RBM11: variants seen among roughly 807,000 people sequenced by gnomAD.
RBM11 encodes splicing regulator RBM11.
A neutral mutation model predicts 21.4 loss-of-function variants in RBM11; 18 were observed. The observed-to-expected ratio is 0.84, with a 90% confidence interval of 0.58 to 1.25. RBM11 has a LOEUF of 1.25. Ranked by LOEUF, RBM11 falls within the 50% of genes most tolerant of loss-of-function variation. RBM11 has a pLI of 0.00. For missense variants in RBM11, 294 were observed against 331.9 expected (o/e 0.89, Z 0.89); for synonymous variants, 120 against 116.3 (o/e 1.03, Z -0.20).
chr21:14,222,562 AC>A (rs905502501), intron 3 of RBM11, among the ~76,000 whole-genome samples: 17 of 152,216 alleles, frequency 1.1e-4, no homozygotes, highest in Admixed American at 1.0e-3. Flanking sequence ...CCCAGATAAA[AC>A]AGTGTGCTCC....
intron 4 of RBM11, among the ~76,000 whole-genome samples, chr21:14,226,084 T>A (rs534635151): frequency 6.6e-6 from 1 of 152,234 alleles, no homozygotes; most frequent in East Asian, 1.9e-4. Context: ...TTTGATGTAA[T>A]CTAAATTCAG....
Position 14,219,393 on chromosome 21 carries a change from A to G in RBM11, c.97-170A>G, listed in dbSNP as rs373871192. Among the ~76,000 whole-genome samples, 12 of 152,334 alleles carry G rather than the reference A, an allele frequency of 7.9e-5. No homozygotes were observed. In the South Asian group the frequency reaches 2.3e-3, roughly 29 times the overall value. ...ATGTTTCCCCAATGAGCCAGAAAATACAAAGAAAGTGTGAGGAAGTGTAAT... is the reference window on the plus strand; with the variant it reads ...ATGTTTCCCCAATGAGCCAGAAAATGCAAAGAAAGTGTGAGGAAGTGTAAT... On this transcript the variant is annotated intron_variant, in intron 1 of 4. Coordinates refer to ENST00000400577, the MANE Select transcript of RBM11 (RefSeq NM_144770.5).
chr21:14,220,287 A>G (rs1252792351), intron 2 of RBM11, among the ~76,000 whole-genome samples: 1 of 152,178 alleles, frequency 6.6e-6, no homozygotes, highest in Non-Finnish European at 1.5e-5. Context: ...TCCTGCACGC[A>G]TATCAGGAAC....
chr21:14,223,212 A>G (rs1055424567), intron 3 of RBM11, among the ~76,000 whole-genome samples: 6 of 152,202 alleles, frequency 3.9e-5, no homozygotes, highest in Non-Finnish European at 7.3e-5. Flanking sequence ...TTATTCTTCT[A>G]GTATTTCTGA....
intron 3 of RBM11, among the ~76,000 whole-genome samples, chr21:14,223,210 C>A (rs1978819108): frequency 6.6e-6 from 1 of 152,228 alleles, no homozygotes; most frequent in South Asian, 2.1e-4. Context: ...CTTTATTCTT[C>A]TAGTATTTCT....
intron 1 of RBM11, among the ~76,000 whole-genome samples, chr21:14,219,335 A>G (rs541242988): frequency 6.6e-6 from 1 of 152,306 alleles, no homozygotes; most frequent in East Asian, 1.9e-4. Flanking sequence ...GTTTGAAACT[A>G]ATACCTAGAA....
At chr21:14,219,276 A>T (rs1423356424) in intron 1 of RBM11, among the ~76,000 whole-genome samples, 7 of 152,150 alleles carry the variant, frequency 4.6e-5, no homozygotes, top group Non-Finnish European at 1.0e-4. Flanking sequence ...ATGTTTTCTA[A>T]ATTGGTTTGT....
At chr21:14,216,337 T>A (rs1423158997) in intron 1 of RBM11, 55 bp downstream of exon 1, 2 of 1,514,732 alleles carry the variant, frequency 1.3e-6, no homozygotes, top group Non-Finnish European at 1.8e-6. Context: ...GCCGGAAACA[T>A]AGCGCGCACC....
Position 14,219,559 on chromosome 21 carries a change from A to G in RBM11, c.97-4A>G, listed in dbSNP as rs929381381. 2.0e-6 allele frequency: 3 copies of G among 1,466,082 alleles called. No homozygotes were observed. The highest frequency in any genetic ancestry group is 2.7e-6 in the Non-Finnish European group (3 of 1,095,436). 90.8% of individuals were successfully genotyped at this position (1,466,082 alleles called of 1,614,324 possible). On this transcript the variant is annotated splice_polypyrimidine_tract_variant and splice_region_variant and intron_variant, in intron 1 of 4. Coordinates refer to ENST00000400577, the MANE Select transcript of RBM11 (RefSeq NM_144770.5). ...TGAGAAAATAATTTTTAAGTTTCTT[A>G]TAGGCGGGGCCACTAACCAAAGTGA...
intron 3 of RBM11, among the ~76,000 whole-genome samples, chr21:14,224,027 A>C (rs1394691532): frequency 2.0e-5 from 3 of 152,152 alleles, no homozygotes; most frequent in Admixed American, 2.0e-4. Context: ...TAACAAACAG[A>C]GTACCTGTTT....
chr21:14,225,194 C>G (rs1978990150), intron 4 of RBM11, among the ~76,000 whole-genome samples: 1 of 152,096 alleles, frequency 6.6e-6, no homozygotes, highest in South Asian at 2.1e-4. Context: ...TCATCAATCC[C>G]AAATAGATTG....
At chr21:14,223,211 T>C (rs952787140) in intron 3 of RBM11, among the ~76,000 whole-genome samples, 1 of 152,250 alleles carries the variant, frequency 6.6e-6, no homozygotes, top group Non-Finnish European at 1.5e-5. Flanking sequence ...TTTATTCTTC[T>C]AGTATTTCTG....
chr21:14,219,465 T>C, intron 1 of RBM11, 98 bp from the exon 2 acceptor site: 1 of 853,362 alleles, frequency 1.2e-6, no homozygotes, highest in Admixed American at 3.2e-5. Context: ...CATAAAGATA[T>C]TGCTAACACA....
intron 2 of RBM11, 91 bp downstream of exon 2, chr21:14,219,816 A>G: frequency 8.7e-7 from 1 of 1,144,952 alleles, no homozygotes; most frequent in Non-Finnish European, 1.2e-6. Flanking sequence ...GTAGTATAAG[A>G]CCAAAACAAA....
At chr21:14,222,588 C>T (rs1978765981) in intron 3 of RBM11, among the ~76,000 whole-genome samples, 1 of 152,112 alleles carries the variant, frequency 6.6e-6, no homozygotes, top group Non-Finnish European at 1.5e-5. Context: ...CTTCATTCAC[C>T]CAACATTTCT....
At position 14,216,302 on chromosome 21, in the gene RBM11, G is replaced by A. The variant is rs779069037; in HGVS notation, c.96+20G>A. 6.2e-7 allele frequency: 1 copy of A among 1,606,164 alleles called. No homozygotes were observed. The highest frequency in any genetic ancestry group is 8.5e-7 in the Non-Finnish European group (1 of 1,174,550). On this transcript the variant is annotated intron_variant, in intron 1 of 4. Transcript: ENST00000400577. ...CTTCAGGTACCGTCTCTGGGAAGGG[G>A]CGGCGGAGGGGCGGAGCACGTCGGG...
chr21:14,224,368 T>C, intron 3 of RBM11, 70 bp from the exon 4 acceptor site: 1 of 1,498,280 alleles, frequency 6.7e-7, no homozygotes, highest in Non-Finnish European at 8.9e-7. Flanking sequence ...TAGTGGTTTT[T>C]CTTAAGAGAA....
rs150747259 is a variant in RBM11, at chr21:14,218,802, G to A, written c.97-761G>A. Among the ~76,000 whole-genome samples, 1,283 of 152,082 alleles carry A rather than the reference G, an allele frequency of 8.4e-3. 10 individuals are homozygous for A. The highest frequency in any genetic ancestry group is 0.021 in the Middle Eastern group (6 of 292). ...TATCATGGCTGTGATGTAATTTTTC[G>A]TTAGTTGTAATTAACAATCTTCTAT... On this transcript the variant is annotated intron_variant, in intron 1 of 4. Coordinates refer to ENST00000400577, the MANE Select transcript of RBM11 (RefSeq NM_144770.5).
In RBM11 at chr21:14,226,701, C is replaced by T. The variant is rs1979118294; in HGVS notation, c.433-179C>T. ...TGTAGTGAGCTATACACAGCCTCAA[C>T]TCTTTATATTGACCCTTTAATGAAA... On this transcript the variant is annotated intron_variant, in intron 4 of 4. Coordinates refer to ENST00000400577, the MANE Select transcript of RBM11 (RefSeq NM_144770.5). Among the ~76,000 whole-genome samples, 3 of 151,826 alleles carry T rather than the reference C, an allele frequency of 2.0e-5. No individual in the cohort carries two copies. The South Asian group carries it at 6.2e-4, about 32-fold the overall frequency.
Sources: gnomAD v4.1 joint callset for allele counts (sites outside exome capture counted in the v4.1 genomes callset) on GRCh38, gnomAD v4.1.1 for gene constraint, MANE v1.5 for transcripts, NCBI Gene and HGNC (gene_info 2026-07-23, HGNC 2026-07-21) for gene names.